The following WWC2 variants were observed in gnomAD, a reference collection of about 807,000 sequenced individuals.
The protein encoded by WWC2 is protein WWC2.
Under a neutral mutation model 138.5 loss-of-function variants are expected in WWC2, and 101 were observed. That is an observed-to-expected ratio of 0.73 (90% CI 0.62 to 0.86). WWC2 has a LOEUF of 0.86. Among genes scored for constraint, WWC2 ranks in the 40% least tolerant of loss-of-function variants. The pLI is 0.00. For missense variants in WWC2, 1,420 were observed against 1,419.4 expected (o/e 1.00, Z -0.01); for synonymous variants, 558 against 538.4 (o/e 1.04, Z -0.50).
chr4:183,286,774 T>G (rs918404715), intron 20 of WWC2, among the ~76,000 whole-genome samples: 8 of 152,138 alleles, frequency 5.3e-5, no homozygotes, highest in African/African-American at 1.9e-4. Context: ...ACTCACACCC[T>G]CAGGAGTCCA....
chr4:183,295,093 G>A (rs1337357799), intron 21 of WWC2, among the ~76,000 whole-genome samples: 1 of 151,876 alleles, frequency 6.6e-6, no homozygotes. Flanking sequence ...AAAAAATTAA[G>A]AAGGAGTTTC....
chr4:183,248,686 T>G, intron 6 of WWC2, 28 bp from the exon 7 acceptor site: 2 of 1,551,998 alleles, frequency 1.3e-6, no homozygotes, highest in Non-Finnish European at 1.8e-6. Context: ...TGTTAAGCTT[T>G]ATGAAACACT....
At chr4:183,218,493 A>G (rs1735821084) in intron 4 of WWC2, among the ~76,000 whole-genome samples, 1 of 152,236 alleles carries the variant, frequency 6.6e-6, no homozygotes. Flanking sequence ...TTTGATATAT[A>G]TCTATATAGA....
chr4:183,216,668 TGAG>T (rs1366856775), intron 4 of WWC2, among the ~76,000 whole-genome samples: 1 of 152,158 alleles, frequency 6.6e-6, no homozygotes, highest in African/African-American at 2.4e-5. Context: ...GTTTGCAGTA[TGAG>T]GAGAAGGACC....
At chr4:183,101,462 A>G (rs1447674336) in intron 1 of WWC2, among the ~76,000 whole-genome samples, 2 of 152,122 alleles carry the variant, frequency 1.3e-5, no homozygotes, top group Admixed American at 6.5e-5. Flanking sequence ...ATAGCTTTTT[A>G]TTTTTCCAAT....
intron 1 of WWC2, among the ~76,000 whole-genome samples, chr4:183,192,055 G>A (rs951881537): frequency 6.6e-6 from 1 of 152,160 alleles, no homozygotes; most frequent in Non-Finnish European, 1.5e-5. Context: ...GGTCCCAGAT[G>A]TTTATGCTGC....
intron 16 of WWC2, among the ~76,000 whole-genome samples, chr4:183,272,216 G>A (rs982540276): frequency 2.0e-5 from 3 of 152,210 alleles, no homozygotes; most frequent in African/African-American, 7.2e-5. Flanking sequence ...ATCATCTACT[G>A]TGTGTGAGAA....
chr4:183,275,213 T>C (rs1456241593), intron 16 of WWC2, among the ~76,000 whole-genome samples: 1 of 152,160 alleles, frequency 6.6e-6, no homozygotes, highest in Non-Finnish European at 1.5e-5. Context: ...GTTTTTTTAG[T>C]GGATTCCATT....
intron 16 of WWC2, among the ~76,000 whole-genome samples, chr4:183,275,949 A>T (rs1024254451): frequency 3.9e-5 from 6 of 152,146 alleles, no homozygotes; most frequent in African/African-American, 9.6e-5. Context: ...ACTTCAGTCT[A>T]TTTAGACTTA....
rs1739599303 is a variant in WWC2, at chr4:183,320,230, G to T, written c.*4501G>T. 1 of 1,602,924 alleles carries T rather than the reference G, an allele frequency of 6.2e-7. No individual in the cohort carries two copies. The highest frequency in any genetic ancestry group is 8.5e-7 in the Non-Finnish European group (1 of 1,174,422). On this transcript the variant is annotated 3_prime_UTR_variant, in exon 23 of 23. Coordinates refer to ENST00000403733, the MANE Select transcript of WWC2 (RefSeq NM_024949.6). ...AATACTAAAGCCATTATAATGTCCT[G>T]AGAGCTTTAGCCAAACTAACTCCTG...
At chr4:183,135,299 T>C (rs575696377) in intron 1 of WWC2, among the ~76,000 whole-genome samples, 26 of 152,036 alleles carry the variant, frequency 1.7e-4, no homozygotes, top group African/African-American at 6.3e-4. Context: ...TACTGTGTTA[T>C]TTTGTACTTT....
At chr4:183,209,529 G>A (rs1185496648) in intron 4 of WWC2, among the ~76,000 whole-genome samples, 1 of 152,158 alleles carries the variant, frequency 6.6e-6, no homozygotes, top group Non-Finnish European at 1.5e-5. Flanking sequence ...GAGTCACTGC[G>A]CCTGGCCTAT....
intron 21 of WWC2, among the ~76,000 whole-genome samples, chr4:183,304,736 T>C (rs1411404002): frequency 6.6e-6 from 1 of 152,164 alleles, no homozygotes; most frequent in Non-Finnish European, 1.5e-5. Flanking sequence ...ACTAAAAGAC[T>C]GAAACCTGTT....
chr4:183,109,896 G>A (rs533923408), intron 1 of WWC2, among the ~76,000 whole-genome samples: 1 of 152,220 alleles, frequency 6.6e-6, no homozygotes, highest in Non-Finnish European at 1.5e-5. Context: ...ATGTTACTTA[G>A]TTTCCCAAAC....
chr4:183,261,484 A>G lies in WWC2; in HGVS notation c.1861A>G (p.Lys621Glu), dbSNP rs1344425670. The change falls in exon 11 of 23, where the codon AAA (lysine) becomes GAA (glutamate). Residue 621 changes from lysine (K) to glutamate (E), a missense_variant. Physicochemically the swap from Lys to Glu is moderately conservative, Grantham distance 56 (BLOSUM62 1). Coordinates refer to ENST00000403733, the MANE Select transcript of WWC2 (RefSeq NM_024949.6). ...GGASQSLSEDKDLNECAREPL... is the reference protein window; with the variant it reads ...GGASQSLSEDEDLNECAREPL... Reference sequence around the variant, plus strand: ...AGCCTCCCAGTCTCTTTCAGAGGATAAAGACCTTAATGAATGTGCTAGGGA... The same window carrying G: ...AGCCTCCCAGTCTCTTTCAGAGGATGAAGACCTTAATGAATGTGCTAGGGA... The G allele has an allele frequency of 3.1e-6, 5 of 1,612,984 alleles. No individual in the cohort carries two copies. The African/African-American group carries it at 5.3e-5, about 17-fold the overall frequency.
At chr4:183,132,539 CGCCTCCCGGGTTCACGCCATTCTCCT>C (rs933956106) in intron 1 of WWC2, among the ~76,000 whole-genome samples, 1 of 151,656 alleles carries the variant, frequency 6.6e-6, no homozygotes, top group Admixed American at 6.6e-5. Flanking sequence ...CTGCAAGCTC[CGCCTCCCGGGTTCACGCCATTCTCCT>C]GCCTCAGCCT....
intron 4 of WWC2, among the ~76,000 whole-genome samples, chr4:183,232,165 T>C (rs1005166352): frequency 1.3e-5 from 2 of 152,242 alleles, no homozygotes; most frequent in Non-Finnish European, 2.9e-5. Context: ...TTAATTGGTA[T>C]GTAATGACAT....
chr4:183,290,568 C>T (rs181352066), intron 21 of WWC2, among the ~76,000 whole-genome samples: 1 of 151,780 alleles, frequency 6.6e-6, no homozygotes, highest in Admixed American at 6.6e-5. Context: ...TATTTTGGCA[C>T]CTACATACTA....
At chr4:183,229,196 C>T (rs572506335) in intron 4 of WWC2, among the ~76,000 whole-genome samples, 302 of 152,144 alleles carry the variant, frequency 2.0e-3, no homozygotes, top group Non-Finnish European at 3.7e-3. Flanking sequence ...AGTTTTTTTA[C>T]TTTCAGTGTG....
Sources: allele counts gnomAD v4.1 joint callset (sites outside exome capture counted in the v4.1 genomes callset), GRCh38; gene constraint gnomAD v4.1.1; transcripts MANE v1.5; gene names NCBI Gene and HGNC (gene_info 2026-07-23, HGNC 2026-07-21).